The following AK5 variants were observed in gnomAD, a reference collection of about 807,000 sequenced individuals.
AK5 encodes the protein adenylate kinase isoenzyme 5.
Under a neutral mutation model 69.5 loss-of-function variants are expected in AK5, and 27 were observed. That is an observed-to-expected ratio of 0.39 (90% confidence interval 0.29 to 0.54). The LOEUF is 0.54. Among genes scored for constraint, AK5 ranks in the 20% least tolerant of loss-of-function variants. AK5 has a pLI of 0.71. For synonymous variants in AK5, 260 were observed against 244.4 expected (o/e 1.06, Z -0.60); for missense variants, 531 against 700.4 (o/e 0.76, Z 2.73).
At chr1:77,462,107 C>G (rs1653875594) in intron 8 of AK5, among the ~76,000 whole-genome samples, 1 of 152,106 alleles carries the variant, frequency 6.6e-6, no homozygotes, top group Non-Finnish European at 1.5e-5. Context: ...AAAAGATTTC[C>G]TATTTTTTCA....
intron 6 of AK5, among the ~76,000 whole-genome samples, chr1:77,360,019 A>G (rs906843686): frequency 3.3e-5 from 5 of 152,194 alleles, no homozygotes; most frequent in African/African-American, 1.2e-4. Flanking sequence ...ATGAAGAATA[A>G]CACAGGAAAA....
chr1:77,510,679 G>T (rs774788132), intron 10 of AK5, among the ~76,000 whole-genome samples: 19 of 151,960 alleles, frequency 1.3e-4, no homozygotes, highest in Non-Finnish European at 2.6e-4. Context: ...AAAAAAGAGA[G>T]CGTCAAGTTC....
intron 2 of AK5, among the ~76,000 whole-genome samples, chr1:77,290,575 A>T (rs1156975960): frequency 1.3e-5 from 2 of 152,210 alleles, no homozygotes; most frequent in Non-Finnish European, 2.9e-5. Flanking sequence ...ACATGCATAC[A>T]ATTGAATAAT....
intron 5 of AK5, among the ~76,000 whole-genome samples, chr1:77,305,626 A>G (rs1659592943): frequency 6.6e-6 from 1 of 152,090 alleles, no homozygotes. Context: ...TGTTCTTGAT[A>G]CCTTTGTTGA....
intron 5 of AK5, among the ~76,000 whole-genome samples, chr1:77,325,161 G>GT (rs369801549): frequency 0.019 from 2,326 of 123,134 alleles, 54 homozygotes; most frequent in African/African-American, 0.055. Flanking sequence ...TAGGTTTTTT[G>GT]TTTTTTTTTT....
intron 5 of AK5, among the ~76,000 whole-genome samples, chr1:77,325,698 G>A (rs995676616): frequency 2.0e-5 from 3 of 151,486 alleles, no homozygotes; most frequent in Non-Finnish European, 4.4e-5. Context: ...TTATGTGTCT[G>A]CTTCTACAAT....
chr1:77,499,869 CATTTTTTTTTTTTTTTTTTT>C lies in AK5; in HGVS notation c.1147+13518_1147+13537del, dbSNP rs1656600514. ...GATGACAGAGACCATGCCCTTTTTC[CATTTTTTTTTTTTTTTTTTT>C]TTTTTTTTTTTTGGTTTGCTTCTGC... is the stretch of plus-strand genomic sequence containing the variant. On this transcript the variant is annotated intron_variant, in intron 10 of 13. Coordinates refer to ENST00000354567, the MANE Select transcript of AK5 (RefSeq NM_174858.3). 7.6e-5 allele frequency among the ~76,000 whole-genome samples: 6 copies of C among 78,768 alleles called. 1 individual carries two copies. The Admixed American group carries it at 9.9e-4, about 13-fold the overall frequency. The allele number at this position is 78,768 out of a possible 152,430, so 51.7% of individuals were successfully genotyped here.
At chr1:77,506,254 T>TGGTTG (rs1407579056) in intron 10 of AK5, among the ~76,000 whole-genome samples, 50 of 151,752 alleles carry the variant, frequency 3.3e-4, no homozygotes, top group Non-Finnish European at 4.9e-4. Flanking sequence ...GTTGGTTGGT[T>TGGTTG]GTTTTTTTTC....
At chr1:77,381,384 T>G (rs183476609) in intron 6 of AK5, among the ~76,000 whole-genome samples, 22 of 152,318 alleles carry the variant, frequency 1.4e-4, no homozygotes, top group Non-Finnish European at 2.9e-4. Flanking sequence ...ATCTATGATA[T>G]TTTGTTATAC....
chr1:77,506,261 T>C (rs532826690), intron 10 of AK5, among the ~76,000 whole-genome samples: 202 of 152,210 alleles, frequency 1.3e-3, no homozygotes, highest in African/African-American at 4.7e-3. Context: ...GGTTGTTTTT[T>C]TTCATTTTTT....
chr1:77,383,981 T>G (rs1647831746), intron 6 of AK5, among the ~76,000 whole-genome samples: 1 of 152,090 alleles, frequency 6.6e-6, no homozygotes, highest in Admixed American at 6.6e-5. Flanking sequence ...ATTAAAAGAT[T>G]AAAAATGTTA....
In AK5 at chr1:77,432,810, G is replaced by A. The variant is rs1380234353; in HGVS notation, c.1059+15095G>A. 2.0e-5 allele frequency among the ~76,000 whole-genome samples: 3 copies of A among 152,276 alleles called. No individual in the cohort carries two copies. In the East Asian group the frequency reaches 5.8e-4, roughly 29 times the overall value. ...ATGTTCTTTTAAGTTATGAGCAGAA[G>A]CTGCTGATTGTGAAATCTGAATTAC... On this transcript the variant is annotated intron_variant, in intron 8 of 13. Transcript: ENST00000354567.
intron 13 of AK5, among the ~76,000 whole-genome samples, chr1:77,549,713 C>T (rs1287406325): frequency 6.6e-6 from 1 of 152,172 alleles, no homozygotes; most frequent in Non-Finnish European, 1.5e-5. Context: ...TCTTTCTGTG[C>T]CTGGCTTATT....
intron 10 of AK5, among the ~76,000 whole-genome samples, chr1:77,486,724 A>G (rs938063784): frequency 3.3e-5 from 5 of 151,848 alleles, no homozygotes; most frequent in African/African-American, 1.2e-4. Flanking sequence ...TTTGGTAGTG[A>G]AAGAGACTAT....
At chr1:77,322,012 C>G (rs1283820544) in intron 5 of AK5, among the ~76,000 whole-genome samples, 1 of 152,104 alleles carries the variant, frequency 6.6e-6, no homozygotes, top group Non-Finnish European at 1.5e-5. Flanking sequence ...ACTATGAAAA[C>G]AGGGTGAGCC....
At chr1:77,513,173 C>T (rs891342162) in intron 10 of AK5, among the ~76,000 whole-genome samples, 4 of 152,208 alleles carry the variant, frequency 2.6e-5, no homozygotes, top group Non-Finnish European at 4.4e-5. Flanking sequence ...CTCCAAGTTC[C>T]ATTACTGAAG....
chr1:77,559,435 A>G lies in AK5; in HGVS notation c.*765A>G, dbSNP rs181577428. On this transcript the variant is annotated 3_prime_UTR_variant, in exon 14 of 14. Transcript: ENST00000354567. ...CTCTACATGGTGATGCATTTCAGCA[A>G]TTATAAATTAATATAAATGACCAAA... 3.9e-5 allele frequency: 6 copies of G among 152,312 alleles called. No individual in the cohort carries two copies. The East Asian group carries it at 1.2e-3, about 29-fold the overall frequency. 9.4% of individuals were successfully genotyped at this position (152,312 alleles called of 1,614,324 possible).
chr1:77,373,745 C>G (rs886641937), intron 6 of AK5, among the ~76,000 whole-genome samples: 1 of 145,996 alleles, frequency 6.8e-6, no homozygotes, highest in African/African-American at 2.5e-5. Context: ...AAAAAAAAAA[C>G]AAAAAACATA....
At chr1:77,337,443 C>T (rs963540180) in intron 5 of AK5, among the ~76,000 whole-genome samples, 2 of 151,996 alleles carry the variant, frequency 1.3e-5, no homozygotes, top group Non-Finnish European at 2.9e-5. Context: ...TTTTAATATG[C>T]GTTATCTCCA....
Sources: gnomAD v4.1 joint callset for allele counts (sites outside exome capture counted in the v4.1 genomes callset) on GRCh38, gnomAD v4.1.1 for gene constraint, MANE v1.5 for transcripts, NCBI Gene and HGNC (gene_info 2026-07-23, HGNC 2026-07-21) for gene names.